The following VCF1 variants were observed in gnomAD, a reference collection of about 807,000 sequenced individuals.
VCF1 encodes the protein protein VCF1.
At chr17:73,207,505 G>A in the VCF1 span, 1 of 609,190 alleles carries the variant, frequency 1.6e-6, no homozygotes, top group Non-Finnish European at 2.9e-6. Context: ...ACAGGACAGG[G>A]TGGAGATGAG....
chr17:73,219,388 T>C, the VCF1 span, among the ~76,000 whole-genome samples: 1 of 151,782 alleles, frequency 6.6e-6, no homozygotes, highest in Non-Finnish European at 1.5e-5. Context: ...CGGTGGCTCA[T>C]GCCTGTAATC....
At chr17:73,221,667 T>C in the VCF1 span, among the ~76,000 whole-genome samples, 3 of 152,098 alleles carry the variant, frequency 2.0e-5, no homozygotes, top group South Asian at 2.1e-4. Context: ...GGTGGAAGGA[T>C]TGCTTGAGCC....
chr17:73,227,039 G>A, the VCF1 span: 1 of 707,262 alleles, frequency 1.4e-6, no homozygotes, highest in Non-Finnish European at 2.2e-6. Flanking sequence ...AAACAGAAAG[G>A]TTAAACCAGT....
chr17:73,219,998 AC>A, the VCF1 span, among the ~76,000 whole-genome samples: 1 of 151,884 alleles, frequency 6.6e-6, no homozygotes, highest in African/African-American at 2.4e-5. Context: ...AAAAAAAAAA[AC>A]AAAACTTAAT....
the VCF1 span, among the ~76,000 whole-genome samples, chr17:73,229,866 T>TA: frequency 7.3e-5 from 1 of 13,626 alleles, no homozygotes; most frequent in Non-Finnish European, 1.1e-4. Flanking sequence ...AGACTCCATC[T>TA]CAAAAAAAAA....
chr17:73,207,369 C>T, the VCF1 span: 4 of 984,252 alleles, frequency 4.1e-6, no homozygotes, highest in Non-Finnish European at 6.4e-6. Context: ...ACAAAATGCA[C>T]TAATGCTGCT....
At chr17:73,211,474 CAGG>C in the VCF1 span, among the ~76,000 whole-genome samples, 1 of 151,476 alleles carries the variant, frequency 6.6e-6, no homozygotes, top group Non-Finnish European at 1.5e-5. Context: ...GAGGCCGAGG[CAGG>C]AGATCGCTTG....
chr17:73,223,250 G>C, the VCF1 span, among the ~76,000 whole-genome samples: 2 of 152,194 alleles, frequency 1.3e-5, no homozygotes, highest in Non-Finnish European at 2.9e-5. Context: ...CCAGGAGGCA[G>C]AGGTTATGGC....
chr17:73,212,271 T>C, the VCF1 span, among the ~76,000 whole-genome samples: 2 of 152,166 alleles, frequency 1.3e-5, no homozygotes, highest in Non-Finnish European at 2.9e-5. Context: ...AATATGCATA[T>C]AGATAACTTA....
chr17:73,231,330 G>A, the VCF1 span, among the ~76,000 whole-genome samples: 1 of 152,168 alleles, frequency 6.6e-6, no homozygotes, highest in Non-Finnish European at 1.5e-5. Context: ...GAAATTAAGA[G>A]AGAGAAAAAA....
At chr17:73,230,363 T>C in the VCF1 span, among the ~76,000 whole-genome samples, 1 of 151,408 alleles carries the variant, frequency 6.6e-6, no homozygotes, top group Non-Finnish European at 1.5e-5. Flanking sequence ...CACACTCACC[T>C]CTCTGCGGCT....
chr17:73,211,323 C>CA, the VCF1 span, among the ~76,000 whole-genome samples: 1 of 151,204 alleles, frequency 6.6e-6, no homozygotes. Flanking sequence ...ATTAAAAATA[C>CA]AAAAAAATTG....
chr17:73,221,132 C>T, the VCF1 span, among the ~76,000 whole-genome samples: 4 of 151,028 alleles, frequency 2.6e-5, no homozygotes, highest in South Asian at 2.1e-4. Flanking sequence ...CTCCTGACCT[C>T]GTGATCTGCC....
chr17:73,208,663 T>C, the VCF1 span: 2 of 617,576 alleles, frequency 3.2e-6, no homozygotes, highest in East Asian at 5.8e-5. Context: ...TCAGTTCAGG[T>C]AGCTTACATT....
At chr17:73,223,578 T>C in the VCF1 span, among the ~76,000 whole-genome samples, 18 of 152,278 alleles carry the variant, frequency 1.2e-4, no homozygotes, top group African/African-American at 3.9e-4. Flanking sequence ...GCCATTATTA[T>C]TGTACTTAAG....
At chr17:73,228,500 A>C in the VCF1 span, among the ~76,000 whole-genome samples, 1 of 152,074 alleles carries the variant, frequency 6.6e-6, no homozygotes, top group Non-Finnish European at 1.5e-5. Flanking sequence ...AATAGGTCTA[A>C]CTTTAATAAT....
chr17:73,209,714 T>TGTTG, the VCF1 span: 2 of 1,546,944 alleles, frequency 1.3e-6, no homozygotes, highest in Non-Finnish European at 1.7e-6. Context: ...CTGTCCGGGC[T>TGTTG]ATTGATGCTG....
At chr17:73,208,688 C>T in the VCF1 span, 1 of 559,928 alleles carries the variant, frequency 1.8e-6, no homozygotes, top group Non-Finnish European at 3.2e-6. Context: ...CAGCGTTCAA[C>T]AACACCTTAA....
At chr17:73,225,887 ATATATATATATAT>A in the VCF1 span, among the ~76,000 whole-genome samples, 1 of 70,674 alleles carries the variant, frequency 1.4e-5, no homozygotes, top group Non-Finnish European at 2.8e-5. Context: ...TATATAATAT[ATATATATATATAT>A]TTTTTTTTTT....
Sources: gnomAD v4.1 joint callset for allele counts (sites outside exome capture counted in the v4.1 genomes callset) on GRCh38, gnomAD v4.1.1 for gene constraint, MANE v1.5 for transcripts, NCBI Gene and HGNC (gene_info 2026-07-23, HGNC 2026-07-21) for gene names.